Variants in NTNG1 observed in about 807,000 individuals in gnomAD.
NTNG1 encodes the protein netrin G1.
NTNG1 carries 16 observed loss-of-function variants against 54.0 expected under a neutral mutation model. That is an observed-to-expected ratio of 0.30 (90% CI 0.20 to 0.45). The LOEUF (loss-of-function observed/expected upper bound fraction) is 0.45, where lower values mean the gene tolerates loss of function less well. Among genes scored for constraint, NTNG1 ranks in the 20% least tolerant of loss-of-function variants. NTNG1 has a pLI of 1.00. For synonymous variants in NTNG1, 255 were observed against 263.1 expected (o/e 0.97, Z 0.30); for missense variants, 530 against 678.7 (o/e 0.78, Z 2.43).
chr1:107,470,888 C>T (rs1010066067), intron 7 of NTNG1, among the ~76,000 whole-genome samples: 1 of 152,124 alleles, frequency 6.6e-6, no homozygotes, highest in Non-Finnish European at 1.5e-5. Flanking sequence ...TAAATTAATT[C>T]TTTCTCGATA....
At chr1:107,459,560 T>A (rs1558015545) in intron 7 of NTNG1, among the ~76,000 whole-genome samples, 4 of 152,188 alleles carry the variant, frequency 2.6e-5, no homozygotes, top group Admixed American at 1.3e-4. Flanking sequence ...TCAATTCAAT[T>A]TGAGCTTATT....
intron 2 of NTNG1, among the ~76,000 whole-genome samples, chr1:107,203,059 A>G (rs1658880138): frequency 6.6e-6 from 1 of 151,968 alleles, no homozygotes; most frequent in Non-Finnish European, 1.5e-5. Context: ...ATATGTACAC[A>G]CACTGACCCT....
intron 3 of NTNG1, among the ~76,000 whole-genome samples, chr1:107,389,521 T>C (rs1281786746): frequency 1.3e-5 from 2 of 152,176 alleles, no homozygotes; most frequent in Non-Finnish European, 2.9e-5. Flanking sequence ...AAGATTAAAT[T>C]GACTCATGAC....
intron 2 of NTNG1, among the ~76,000 whole-genome samples, chr1:107,170,877 C>G (rs1054442190): frequency 3.3e-5 from 5 of 152,068 alleles, no homozygotes; most frequent in African/African-American, 1.2e-4. Flanking sequence ...TTCTTTGGAA[C>G]TCTTTAATCA....
intron 2 of NTNG1, among the ~76,000 whole-genome samples, chr1:107,167,908 C>T (rs918424793): frequency 2.6e-5 from 4 of 151,818 alleles, no homozygotes; most frequent in Non-Finnish European, 5.9e-5. Context: ...ATGCTTCTTA[C>T]CTTGGGTTGT....
At chr1:107,259,324 T>C (rs1489905174) in intron 2 of NTNG1, among the ~76,000 whole-genome samples, 2 of 152,104 alleles carry the variant, frequency 1.3e-5, no homozygotes, top group East Asian at 3.8e-4. Flanking sequence ...GTAGCAAGTG[T>C]GTTCATTGGA....
intron 2 of NTNG1, among the ~76,000 whole-genome samples, chr1:107,267,704 A>G (rs996157594): frequency 2.6e-5 from 4 of 152,136 alleles, no homozygotes; most frequent in African/African-American, 9.7e-5. Context: ...CTTAACATAG[A>G]GCAATTAGCC....
At chr1:107,375,967 T>A (rs903996692) in intron 3 of NTNG1, among the ~76,000 whole-genome samples, 7 of 152,226 alleles carry the variant, frequency 4.6e-5, no homozygotes, top group African/African-American at 7.2e-5. Flanking sequence ...GTCAGGACAT[T>A]TAATTATTAA....
intron 2 of NTNG1, among the ~76,000 whole-genome samples, chr1:107,238,902 G>T (rs1449511220): frequency 1.3e-5 from 2 of 150,606 alleles, no homozygotes; most frequent in Non-Finnish European, 2.9e-5. Context: ...TTGTATTAAG[G>T]TAAAAAAAAA....
intron 3 of NTNG1, among the ~76,000 whole-genome samples, chr1:107,389,807 G>A (rs1475718058): frequency 2.0e-5 from 3 of 152,200 alleles, no homozygotes; most frequent in Non-Finnish European, 4.4e-5. Context: ...CATCAGACAT[G>A]TGACTGCTAG....
intron 2 of NTNG1, among the ~76,000 whole-genome samples, chr1:107,304,471 T>G (rs1666541715): frequency 6.6e-6 from 1 of 152,172 alleles, no homozygotes. Flanking sequence ...TCCTACATGG[T>G]AGATTCAGGA....
chr1:107,253,051 A>G (rs1662711123), intron 2 of NTNG1, among the ~76,000 whole-genome samples: 1 of 152,192 alleles, frequency 6.6e-6, no homozygotes, highest in Admixed American at 6.5e-5. Context: ...AAAGAATACC[A>G]GGGAAAACCT....
chr1:107,416,687 A>T (rs1265344970), intron 5 of NTNG1, among the ~76,000 whole-genome samples: 1 of 152,202 alleles, frequency 6.6e-6, no homozygotes, highest in East Asian at 1.9e-4. Flanking sequence ...TCTAAAATTG[A>T]TTTAATATAA....
chr1:107,247,813 G>C (rs927945729), intron 2 of NTNG1, among the ~76,000 whole-genome samples: 1 of 152,180 alleles, frequency 6.6e-6, no homozygotes, highest in African/African-American at 2.4e-5. Context: ...CAGCTATCCA[G>C]ACCTTGAGAA....
At chr1:107,230,502 C>T (rs1174483571) in intron 2 of NTNG1, among the ~76,000 whole-genome samples, 1 of 152,206 alleles carries the variant, frequency 6.6e-6, no homozygotes, top group East Asian at 1.9e-4. Flanking sequence ...CCCAAAGAAG[C>T]ATTTTTAGGA....
intron 2 of NTNG1, among the ~76,000 whole-genome samples, chr1:107,303,307 G>A (rs1406366102): frequency 6.6e-6 from 1 of 152,144 alleles, no homozygotes; most frequent in Non-Finnish European, 1.5e-5. Flanking sequence ...ATTGGTCTCT[G>A]TTAGTGAGAG....
chr1:107,412,880 C>G (rs1452708461), intron 5 of NTNG1, among the ~76,000 whole-genome samples: 1 of 152,174 alleles, frequency 6.6e-6, no homozygotes, highest in Non-Finnish European at 1.5e-5. Flanking sequence ...CTTATGCCTA[C>G]TCTGCGACAG....
chr1:107,315,469 A>G (rs888264219), intron 2 of NTNG1, among the ~76,000 whole-genome samples: 1 of 152,146 alleles, frequency 6.6e-6, no homozygotes, highest in African/African-American at 2.4e-5. Context: ...CTTCAGGCTC[A>G]TGCATGATCT....
chr1:107,453,020 T>A, intron 7 of NTNG1, among the ~76,000 whole-genome samples: 1 of 152,268 alleles, frequency 6.6e-6, no homozygotes, highest in Non-Finnish European at 1.5e-5. Context: ...TTGCTCAGGA[T>A]TCCCTCTGAG....
Sources: gnomAD v4.1 joint callset for allele counts (sites outside exome capture counted in the v4.1 genomes callset) on GRCh38, gnomAD v4.1.1 for gene constraint, MANE v1.5 for transcripts, NCBI Gene and HGNC (gene_info 2026-07-23, HGNC 2026-07-21) for gene names.